The following XPO4 variants were observed in gnomAD, a reference collection of about 807,000 sequenced individuals.
XPO4 encodes the protein exportin-4.
A neutral mutation model predicts 143.0 loss-of-function variants in XPO4; 39 were observed. That is an observed-to-expected ratio of 0.27 (90% CI 0.21 to 0.36). The LOEUF is 0.36. Ranked by LOEUF, XPO4 falls within the 10% of genes least tolerant of loss-of-function variation. The pLI, the probability that XPO4 is intolerant of heterozygous loss-of-function variation, is 1.00. For synonymous variants in XPO4, 439 were observed against 474.0 expected, an observed-to-expected ratio of 0.93 and a Z score of 0.96; for missense variants, 907 against 1,348.0, an observed-to-expected ratio of 0.67 and a Z score of 5.12.
intron 6 of XPO4, among the ~76,000 whole-genome samples, chr13:20,837,347 G>T (rs906717998): frequency 6.6e-6 from 1 of 152,058 alleles, no homozygotes; most frequent in Non-Finnish European, 1.5e-5. Context: ...ATACAAAATT[G>T]TTCCTAGTTG....
At chr13:20,853,200 G>T in intron 4 of XPO4, 1 of 242,058 alleles carries the variant, frequency 4.1e-6, no homozygotes, top group Non-Finnish European at 6.6e-6. Flanking sequence ...AGGAGTGGTG[G>T]CTTGTGCCGA....
chr13:20,791,015 G>A (rs1382921866), intron 18 of XPO4, among the ~76,000 whole-genome samples: 1 of 151,930 alleles, frequency 6.6e-6, no homozygotes, highest in Non-Finnish European at 1.5e-5. Context: ...AAAGGAATGC[G>A]AGAAATACAG....
At chr13:20,821,161 T>C (rs1174036699) in intron 9 of XPO4, among the ~76,000 whole-genome samples, 3 of 152,158 alleles carry the variant, frequency 2.0e-5, no homozygotes, top group Admixed American at 1.3e-4. Flanking sequence ...TTAATTTCAA[T>C]GTAAATTAAA....
rs1264011844 is a variant in XPO4 at position 20,781,924 on chromosome 13, G to C, written c.*1798C>G. ...AACACCTAAAAATAAATGCATCAAA[G>C]TATTTTTTAAAATACAGAAACGTGT... is the stretch of plus-strand genomic sequence containing the variant. On this transcript the variant is annotated 3_prime_UTR_variant, in exon 23 of 23. Coordinates refer to ENST00000255305, the MANE Select transcript of XPO4 (RefSeq NM_022459.5). The C allele has an allele frequency of 6.6e-6, 1 of 151,930 alleles. No homozygotes were observed. The highest frequency in any genetic ancestry group is 1.5e-5 in the Non-Finnish European group (1 of 67,976). 9.4% of individuals were successfully genotyped at this position (151,930 alleles called of 1,614,324 possible).
chr13:20,848,908 T>C, intron 4 of XPO4: 2 of 985,430 alleles, frequency 2.0e-6, no homozygotes, highest in Non-Finnish European at 2.4e-6. Context: ...ATTGAAGTAC[T>C]GAAAATTCAC....
At chr13:20,810,040 C>T in intron 9 of XPO4, 73 bp from the exon 10 acceptor site, 2 of 1,249,800 alleles carry the variant, frequency 1.6e-6, no homozygotes, top group Non-Finnish European at 2.1e-6. Context: ...CATATAAATA[C>T]ATACAAATAG....
intron 6 of XPO4, among the ~76,000 whole-genome samples, chr13:20,834,625 T>C: frequency 6.7e-6 from 1 of 148,766 alleles, no homozygotes; most frequent in African/African-American, 2.5e-5. Flanking sequence ...CTGGAAACTA[T>C]AAAACAGTGT....
intron 13 of XPO4, among the ~76,000 whole-genome samples, chr13:20,805,023 C>A (rs1388656170): frequency 5.9e-5 from 9 of 151,996 alleles, no homozygotes; most frequent in Non-Finnish European, 1.2e-4. Flanking sequence ...CAGCTCACTG[C>A]AACCTCTGCC....
chr13:20,785,915 A>G (rs1176830007), intron 22 of XPO4, among the ~76,000 whole-genome samples: 42 of 119,304 alleles, frequency 3.5e-4, no homozygotes, highest in South Asian at 5.2e-4. Context: ...GGGAGGAAGG[A>G]AGGAAGAAAG....
chr13:20,842,463 T>C (rs2059986126), intron 6 of XPO4, among the ~76,000 whole-genome samples: 1 of 152,180 alleles, frequency 6.6e-6, no homozygotes, highest in Non-Finnish European at 1.5e-5. Context: ...TACCTATACT[T>C]GAACAACATC....
Position 20,798,272 on chromosome 13 carries a change from G to A in XPO4, c.2322+893C>T, listed in dbSNP as rs544266509. Among the ~76,000 whole-genome samples, 10 of 152,270 alleles carry A rather than the reference G, an allele frequency of 6.6e-5. No individual in the cohort carries two copies. The East Asian group carries it at 7.7e-4, about 12-fold the overall frequency. On this transcript the variant is annotated intron_variant, in intron 16 of 22. Coordinates refer to ENST00000255305, the MANE Select transcript of XPO4 (RefSeq NM_022459.5). ...GTGTGGATGCAGACACACACAGGGG[G>A]AGCATGTGAAGATGAAGGCAGGGAT...
intron 2 of XPO4, among the ~76,000 whole-genome samples, chr13:20,867,707 C>A (rs1008995072): frequency 1.3e-5 from 2 of 151,694 alleles, no homozygotes; most frequent in African/African-American, 4.8e-5. Context: ...AATCTGGAAA[C>A]CAGCCTATTG....
chr13:20,850,877 G>T, intron 4 of XPO4: 1 of 985,390 alleles, frequency 1.0e-6, no homozygotes, highest in Non-Finnish European at 1.2e-6. Context: ...CCTTCTAGAA[G>T]AGGTGTGAGG....
intron 3 of XPO4, chr13:20,857,976 T>G (rs1232304771): frequency 1.0e-6 from 1 of 985,048 alleles, no homozygotes. Flanking sequence ...AATAGTCTAC[T>G]ACATAGCCTA....
At chr13:20,840,533 A>C (rs1778448838) in intron 6 of XPO4, among the ~76,000 whole-genome samples, 2 of 152,152 alleles carry the variant, frequency 1.3e-5, no homozygotes. Context: ...AAAAGGCATC[A>C]ATTCAACACT....
intron 1 of XPO4, among the ~76,000 whole-genome samples, chr13:20,881,374 T>G (rs886722179): frequency 1.3e-5 from 2 of 152,058 alleles, no homozygotes; most frequent in African/African-American, 4.8e-5. Flanking sequence ...GTTCATGCCA[T>G]TCTCCTGCCT....
chr13:20,801,760 T>C (rs2137852816), intron 13 of XPO4, among the ~76,000 whole-genome samples: 1 of 152,288 alleles, frequency 6.6e-6, no homozygotes, highest in East Asian at 1.9e-4. Context: ...CTAATGAATA[T>C]CAGTGCTGAG....
chr13:20,878,035 A>G (rs1566622266), intron 1 of XPO4, among the ~76,000 whole-genome samples: 1 of 152,166 alleles, frequency 6.6e-6, no homozygotes, highest in Admixed American at 6.5e-5. Context: ...TGTCTCTACT[A>G]AAAATACAAA....
Position 20,808,547 on chromosome 13 carries a change from G to T in XPO4, c.1528C>A (p.Gln510Lys). The change falls in exon 12 of 23, where the codon CAG (glutamine) becomes AAG (lysine). Residue 510 changes from glutamine to lysine, a missense_variant. Gln to Lys is a moderately conservative substitution (Grantham distance 53). Transcript: ENST00000255305. ...AACTGTTGCTGATGTCGTTGTAACT[G>T]ACCATGGAGTCTTGTTACTCTTTCT... is the stretch of plus-strand genomic sequence containing the variant. ...LEERVTRLHG[Q>K]LQRHQQQLLA... The T allele has an allele frequency of 6.4e-7, 1 of 1,554,718 alleles. No individual in the cohort carries two copies.
Sources: allele counts gnomAD v4.1 joint callset (sites outside exome capture counted in the v4.1 genomes callset), GRCh38; gene constraint gnomAD v4.1.1; transcripts MANE v1.5; gene names NCBI Gene and HGNC (gene_info 2026-07-23, HGNC 2026-07-21).